The following SNTG1 variants were observed in gnomAD, a reference collection of about 807,000 sequenced individuals.
SNTG1 encodes the protein syntrophin gamma 1, also known as gamma-1-syntrophin.
A neutral mutation model predicts 74.7 loss-of-function variants in SNTG1; 39 were observed. The observed-to-expected ratio is 0.52, with a 90% CI of 0.40 to 0.68. The LOEUF (loss-of-function observed/expected upper bound fraction) is 0.68, where lower values mean the gene tolerates loss of function less well. Among genes scored for constraint, SNTG1 ranks in the 30% least tolerant of loss-of-function variants. SNTG1 has a pLI of 0.00. For synonymous variants in SNTG1, 254 were observed against 217.1 expected, an observed-to-expected ratio of 1.17 and a Z score of -1.49; for missense variants, 685 against 609.5, an observed-to-expected ratio of 1.12 and a Z score of -1.30.
chr8:50,119,622 AATTAG>A (rs2080930643), intron 1 of SNTG1, among the ~76,000 whole-genome samples: 1 of 142,044 alleles, frequency 7.0e-6, no homozygotes, highest in Admixed American at 7.3e-5. Flanking sequence ...TTATTATGAA[AATTAG>A]ATGAGATAAT....
intron 15 of SNTG1, among the ~76,000 whole-genome samples, chr8:50,672,442 G>C (rs563360046): frequency 6.6e-6 from 1 of 152,192 alleles, no homozygotes; most frequent in Admixed American, 6.6e-5. Context: ...CAGTGATCTT[G>C]AGTATTTTTT....
At chr8:50,498,095 C>T (rs2093919721) in intron 8 of SNTG1, among the ~76,000 whole-genome samples, 1 of 151,790 alleles carries the variant, frequency 6.6e-6, no homozygotes, top group Admixed American at 6.6e-5. Flanking sequence ...TTTGTAAGTA[C>T]ATTTACTCTG....
intron 15 of SNTG1, among the ~76,000 whole-genome samples, chr8:50,686,905 G>A (rs1300381629): frequency 6.6e-6 from 1 of 151,772 alleles, no homozygotes; most frequent in African/African-American, 2.4e-5. Context: ...GGAGGCCGAG[G>A]CGGGTGGATC....
At chr8:50,330,222 T>C (rs117698207) in intron 2 of SNTG1, among the ~76,000 whole-genome samples, 7,464 of 152,218 alleles carry the variant, frequency 0.049, 250 homozygotes, top group Non-Finnish European at 0.071. Flanking sequence ...AAGGGGGTTT[T>C]TCCCCTTTTG....
intron 1 of SNTG1, among the ~76,000 whole-genome samples, chr8:50,080,501 T>A (rs1211324262): frequency 6.6e-6 from 1 of 152,206 alleles, no homozygotes; most frequent in Non-Finnish European, 1.5e-5. Flanking sequence ...TGCTACTTTT[T>A]AAACAGTTGT....
intron 1 of SNTG1, among the ~76,000 whole-genome samples, chr8:49,972,045 C>A (rs890748244): frequency 1.3e-5 from 2 of 152,148 alleles, no homozygotes; most frequent in Non-Finnish European, 2.9e-5. Context: ...CAAAAAGGAG[C>A]CTGCATTGCT....
chr8:50,342,013 A>G (rs984687844), intron 2 of SNTG1, among the ~76,000 whole-genome samples: 5 of 152,006 alleles, frequency 3.3e-5, no homozygotes, highest in African/African-American at 1.2e-4. Context: ...TCATCATTTC[A>G]TCCAAGCCAC....
intron 12 of SNTG1, among the ~76,000 whole-genome samples, chr8:50,566,891 A>G (rs1013447926): frequency 1.3e-5 from 2 of 152,070 alleles, no homozygotes; most frequent in Non-Finnish European, 2.9e-5. Context: ...TACTGTGAGC[A>G]TTCAATCTAA....
At chr8:50,466,742 C>T (rs1016924726) in intron 8 of SNTG1, among the ~76,000 whole-genome samples, 2 of 151,942 alleles carry the variant, frequency 1.3e-5, no homozygotes, top group African/African-American at 2.4e-5. Flanking sequence ...TAATTCTGTA[C>T]ATATATTGCT....
intron 2 of SNTG1, among the ~76,000 whole-genome samples, chr8:50,294,977 G>T (rs1322404244): frequency 3.3e-5 from 5 of 152,098 alleles, no homozygotes; most frequent in African/African-American, 1.2e-4. Context: ...CTCTCTCTCA[G>T]TCAACAGATA....
intron 1 of SNTG1, among the ~76,000 whole-genome samples, chr8:50,100,979 T>G (rs532494267): frequency 3.9e-5 from 6 of 152,136 alleles, no homozygotes; most frequent in Admixed American, 6.6e-5. Flanking sequence ...ATTTTCTTTG[T>G]GTCCACGTGT....
rs1230982331 is a variant in SNTG1, at chr8:50,332,828, T to G, written c.-27-61384T>G. Among the ~76,000 whole-genome samples the G allele has an allele frequency of 9.9e-5, 15 of 152,190 alleles. No homozygotes were observed. The East Asian group carries it at 2.9e-3, about 29-fold the overall frequency. On this transcript the variant is annotated intron_variant, in intron 2 of 18. Transcript: ENST00000642720. ...AAGACCTGGCACTAAATGATTACAA[T>G]GTCACCAGGAGAGAGCTCAGTTACA...
intron 8 of SNTG1, among the ~76,000 whole-genome samples, chr8:50,468,622 A>T (rs2093627914): frequency 6.6e-6 from 1 of 152,124 alleles, no homozygotes; most frequent in South Asian, 2.1e-4. Context: ...ATACCATTCA[A>T]ATATAAAGTT....
intron 15 of SNTG1, among the ~76,000 whole-genome samples, chr8:50,669,478 A>G (rs1204545278): frequency 2.6e-5 from 4 of 152,220 alleles, no homozygotes; most frequent in African/African-American, 9.6e-5. Flanking sequence ...ACACCATCCC[A>G]AGACTAAACC....
chr8:50,192,326 C>A (rs1256120053), intron 2 of SNTG1, among the ~76,000 whole-genome samples: 1 of 152,042 alleles, frequency 6.6e-6, no homozygotes, highest in Non-Finnish European at 1.5e-5. Flanking sequence ...TTTCTTTGGT[C>A]CTTAGTTTTT....
chr8:50,054,031 G>A (rs931635092), intron 1 of SNTG1, among the ~76,000 whole-genome samples: 1 of 152,000 alleles, frequency 6.6e-6, no homozygotes, highest in Non-Finnish European at 1.5e-5. Context: ...GTAAGAAGTG[G>A]CATTTAAATT....
intron 15 of SNTG1, among the ~76,000 whole-genome samples, chr8:50,695,609 C>A (rs1205864678): frequency 1.3e-5 from 2 of 151,592 alleles, no homozygotes; most frequent in Non-Finnish European, 3.0e-5. Flanking sequence ...AATTTTTAAT[C>A]TTTACCCATA....
At chr8:50,603,092 A>G (rs1275875577) in intron 13 of SNTG1, among the ~76,000 whole-genome samples, 1 of 152,078 alleles carries the variant, frequency 6.6e-6, no homozygotes, top group East Asian at 1.9e-4. Flanking sequence ...TATTTCTTTG[A>G]ATAAACTTTC....
intron 1 of SNTG1, among the ~76,000 whole-genome samples, chr8:49,970,937 G>A (rs939138897): frequency 1.3e-5 from 2 of 152,152 alleles, no homozygotes; most frequent in Non-Finnish European, 2.9e-5. Context: ...TTCTACCACA[G>A]GTACAAGGAG....
Sources: gnomAD v4.1 joint callset for allele counts (sites outside exome capture counted in the v4.1 genomes callset) on GRCh38, gnomAD v4.1.1 for gene constraint, MANE v1.5 for transcripts, NCBI Gene and HGNC (gene_info 2026-07-23, HGNC 2026-07-21) for gene names.